Variants in ARHGEF2 observed in about 807,000 individuals in gnomAD.
The protein encoded by ARHGEF2 is Rho/Rac guanine nucleotide exchange factor 2.
ARHGEF2 carries 22 observed loss-of-function variants against 121.0 expected under a neutral mutation model. The observed-to-expected ratio is 0.18, with a 90% CI of 0.13 to 0.26. ARHGEF2 has a LOEUF of 0.26. ARHGEF2 is among the 10% of genes least tolerant of loss of function. ARHGEF2 has a pLI of 1.00. For missense variants in ARHGEF2, 907 were observed against 1,336.0 expected (o/e 0.68, Z 5.01); for synonymous variants, 487 against 530.0 (o/e 0.92, Z 1.11).
Position 155,951,650 on chromosome 1 carries a change from G to A in ARHGEF2, c.2208+91C>T, listed in dbSNP as rs993835874. The A allele has an allele frequency of 1.3e-4, 207 of 1,604,894 alleles. 1 individual carries two copies. The highest frequency in any genetic ancestry group is 1.5e-4 in the South Asian group (14 of 90,868). On this transcript the variant is annotated intron_variant, in intron 18 of 21. Coordinates refer to ENST00000361247, the MANE Select transcript of ARHGEF2 (RefSeq NM_001162383.2). The surrounding 1 kb of genome is among the most constrained non-coding windows in gnomAD (Gnocchi z 5.1). ...TCCGGAGACATACTTGAATGTAGAC[G>A]CTTTCCCCACCCCACTCCAAACTGG...
At chr1:155,971,100 C>T in intron 1 of ARHGEF2, 2 of 985,992 alleles carry the variant, frequency 2.0e-6, no homozygotes, top group Non-Finnish European at 2.4e-6. Flanking sequence ...CCTCCTCACG[C>T]AGGCCAACTG....
intron 2 of ARHGEF2, among the ~76,000 whole-genome samples, chr1:155,967,237 AAG>A (rs1679592533): frequency 6.6e-6 from 1 of 152,170 alleles, no homozygotes; most frequent in African/African-American, 2.4e-5. Context: ...TGGCAGATGG[AAG>A]AGAGGACTCC....
At position 155,962,843 on chromosome 1, in the gene ARHGEF2, C is replaced by A; in HGVS notation, c.975+90G>T. ...GTTTCTCCAGCTCTCCCTGGCTCCC[C>A]TCCAACCCCTAGAATTTGGACCCAA... On this transcript the variant is annotated intron_variant, in intron 8 of 21. Transcript: ENST00000361247. The surrounding 1 kb of genome is among the most constrained non-coding windows in gnomAD (Gnocchi z 5.8). 6.3e-7 allele frequency: 1 copy of A among 1,599,778 alleles called. No individual in the cohort carries two copies. Among genetic ancestry groups the A allele is most frequent in the South Asian group, 1.1e-5 (1 of 88,602 alleles).
At chr1:155,959,838 C>T (rs1677522269) in intron 11 of ARHGEF2, among the ~76,000 whole-genome samples, 2 of 152,180 alleles carry the variant, frequency 1.3e-5, no homozygotes, top group Non-Finnish European at 2.9e-5. Flanking sequence ...GATGAGCCAC[C>T]GTGCCCAGCC....
chr1:155,963,217 CTGGCT>C, intron 7 of ARHGEF2, 34 bp from the exon 8 acceptor site: 8 of 1,593,430 alleles, frequency 5.0e-6, no homozygotes, highest in Non-Finnish European at 6.8e-6. Context: ...GGCCTCTACC[CTGGCT>C]TGGCTAAAAC....
rs149517516 is a variant in ARHGEF2, at chr1:155,965,367, T to A, written c.516A>T (p.Ser172=). The A allele has an allele frequency of 2.5e-6, 4 of 1,613,984 alleles. No homozygotes were observed. Among genetic ancestry groups the A allele is most frequent in the Non-Finnish European group, 3.4e-6 (4 of 1,180,010 alleles). The change falls in exon 6 of 22, where the codon TCA becomes TCT. Residue 172 remains serine, a synonymous_variant. Transcript: ENST00000361247. The surrounding 1 kb of genome is among the most constrained non-coding windows in gnomAD (Gnocchi z 6.0). ...ESPLGLRRIL[S]QSTDSLNMRN... ...GCATGTTGAGGGAGTCTGTGGACTG[T>A]GAGAGGATCCGGCGCAGCCCCAGGG...
In ARHGEF2 at chr1:155,966,998, C is replaced by G. The variant is rs955438764; in HGVS notation, c.209-111G>C. 1.2e-5 allele frequency: 12 copies of G among 1,004,058 alleles called. No homozygotes were observed. The Admixed American group carries it at 1.5e-4, about 13-fold the overall frequency. The allele number at this position is 1,004,058 out of a possible 1,614,324, so 62.2% of individuals were successfully genotyped here. A position where few individuals can be genotyped will look rare whatever the true frequency, so the allele number is the denominator to read the frequency against. On this transcript the variant is annotated intron_variant, in intron 2 of 21. Coordinates refer to ENST00000361247, the MANE Select transcript of ARHGEF2 (RefSeq NM_001162383.2). ...GGCCACACAGTCCTCGGGGACTCTC[C>G]CCCCTTCCCCGACTTCTGGGCCATT...
At chr1:155,964,322 G>C (rs1678891722) in intron 7 of ARHGEF2, among the ~76,000 whole-genome samples, 5 of 150,032 alleles carry the variant, frequency 3.3e-5, no homozygotes, top group Non-Finnish European at 1.5e-5. Flanking sequence ...TGAGATTATA[G>C]GCATGAGCCA....
At position 155,952,164 on chromosome 1, in the gene ARHGEF2, G is replaced by A; in HGVS notation, c.2056C>T (p.Pro686Ser). The change falls in exon 16 of 22, where the codon CCC becomes TCC. Residue 686 changes from proline (P) to serine (S), a missense_variant. Around this residue, in one of 2 missense-constraint regions of ARHGEF2, gnomAD observed 432 missense variants for 559.5 expected, o/e 0.77. Coordinates refer to ENST00000361247, the MANE Select transcript of ARHGEF2 (RefSeq NM_001162383.2). Reference protein sequence around the residue: ...LLLTPREPALPLEPDSGGNTS... With the variant: ...LLLTPREPALSLEPDSGGNTS... Reference sequence around the variant, plus strand: ...TTACCACCGCTGTCTGGTTCCAAGGGCAGGGCTGGCTCTCGGGGTGTCAAG... The same window carrying A: ...TTACCACCGCTGTCTGGTTCCAAGGACAGGGCTGGCTCTCGGGGTGTCAAG... 1 of 1,614,090 alleles carries A rather than the reference G, an allele frequency of 6.2e-7. No individual in the cohort carries two copies. The highest frequency in any genetic ancestry group is 8.5e-7 in the Non-Finnish European group (1 of 1,180,010).
rs1471328205 is a variant in ARHGEF2 at position 155,965,288 on chromosome 1, C to T, written c.580+15G>A. Reference sequence around the variant, plus strand: ...TCATGTTCCTCAGGGCTCCCCTGGGCCCAGGCCTGCTCACCTTCGTCAATG... The same window carrying T: ...TCATGTTCCTCAGGGCTCCCCTGGGTCCAGGCCTGCTCACCTTCGTCAATG... On this transcript the variant is annotated intron_variant, in intron 6 of 21. Transcript: ENST00000361247. This position sits in a 1 kb window ranked among gnomAD's most constrained non-coding sequence, Gnocchi z 6.0. The T allele has an allele frequency of 1.9e-6, 3 of 1,613,040 alleles. No homozygotes were observed. Among genetic ancestry groups the T allele is most frequent in the South Asian group, 1.1e-5 (1 of 91,058 alleles).
intron 4 of ARHGEF2, among the ~76,000 whole-genome samples, chr1:155,966,118 T>C (rs1163994647): frequency 6.6e-6 from 1 of 152,152 alleles, no homozygotes; most frequent in Non-Finnish European, 1.5e-5. Flanking sequence ...GAATTGACAC[T>C]TGACAGCTGC....
At chr1:155,963,494 C>T (rs1342288723) in intron 7 of ARHGEF2, among the ~76,000 whole-genome samples, 1 of 150,610 alleles carries the variant, frequency 6.6e-6, no homozygotes, top group East Asian at 2.0e-4. Flanking sequence ...TACAGGCACG[C>T]ACCACCAGGC....
intron 14 of ARHGEF2, among the ~76,000 whole-genome samples, chr1:155,953,728 CAG>C (rs1675993325): frequency 8.4e-6 from 1 of 118,582 alleles, no homozygotes; most frequent in Non-Finnish European, 1.6e-5. Context: ...CCCTGGGCGA[CAG>C]AGCAAGACCC....
intron 1 of ARHGEF2, among the ~76,000 whole-genome samples, chr1:155,974,554 A>T (rs1681000872): frequency 6.6e-6 from 1 of 152,058 alleles, no homozygotes; most frequent in African/African-American, 2.4e-5. Context: ...GCTTCCAGGG[A>T]CAAGATGAAG....
intron 11 of ARHGEF2, among the ~76,000 whole-genome samples, chr1:155,959,610 T>C (rs1677468513): frequency 6.6e-6 from 1 of 152,152 alleles, no homozygotes; most frequent in South Asian, 2.1e-4. Flanking sequence ...AGTGGTGTGA[T>C]CTCTGCTCAC....
chr1:155,954,991 T>C lies in ARHGEF2; in HGVS notation c.1716-22A>G, dbSNP rs752062707. 8.7e-6 allele frequency: 14 copies of C among 1,604,480 alleles called. No homozygotes were observed. In the Admixed American group the frequency reaches 1.2e-4, roughly 14 times the overall value. ...GCATCTGGAGGGGTAACAGGTCGCA[T>C]GCCATTGAGAGACAGAAGCTAGGTT... On this transcript the variant is annotated intron_variant, in intron 13 of 21. Coordinates refer to ENST00000361247, the MANE Select transcript of ARHGEF2 (RefSeq NM_001162383.2).
Position 155,963,077 on chromosome 1 carries a change from C to A in ARHGEF2, c.831G>T (p.Gln277His). The A allele has an allele frequency of 6.2e-7, 1 of 1,614,152 alleles. No homozygotes were observed. Among genetic ancestry groups the A allele is most frequent in the Non-Finnish European group, 8.5e-7 (1 of 1,180,024 alleles). The change falls in exon 8 of 22, where the codon CAG (glutamine) becomes CAT (histidine). Residue 277 changes from glutamine to histidine, a missense_variant. By Grantham distance (24) the Gln-to-His change is conservative. Around this residue, in one of 2 missense-constraint regions of ARHGEF2, gnomAD observed 475 missense variants for 776.5 expected, o/e 0.61. Transcript: ENST00000361247. ...GCTCGTCCACGCAGGGGAACAGGCC[C>A]TGGACCACTCCTGGCTCCAAGTGTA... is the stretch of plus-strand genomic sequence containing the variant. ...EELHLEPGVV[Q>H]GLFPCVDELS...
rs1678147802 is a variant in ARHGEF2 at position 155,962,407 on chromosome 1, T to C, written c.1102-185A>G. ...GACCAACTGAAGGAGCAAAAAGTAC[T>C]TGGGAAACTACCACAACGTGCTCTA... is the stretch of plus-strand genomic sequence containing the variant. On this transcript the variant is annotated intron_variant, in intron 9 of 21. Transcript: ENST00000361247. The surrounding 1 kb of genome is among the most constrained non-coding windows in gnomAD (Gnocchi z 5.8). The C allele has an allele frequency of 5.7e-6, 6 of 1,060,152 alleles. No individual in the cohort carries two copies. The highest frequency in any genetic ancestry group is 8.2e-6 in the Non-Finnish European group (6 of 730,650). The allele number at this position is 1,060,152 out of a possible 1,614,324, so 65.7% of individuals were successfully genotyped here.
chr1:155,951,675 G>C lies in ARHGEF2; in HGVS notation c.2208+66C>G. 1 of 1,611,410 alleles carries C rather than the reference G, an allele frequency of 6.2e-7. No individual in the cohort carries two copies. The highest frequency in any genetic ancestry group is 1.1e-5 in the South Asian group (1 of 90,964). On this transcript the variant is annotated intron_variant, in intron 18 of 21. Coordinates refer to ENST00000361247, the MANE Select transcript of ARHGEF2 (RefSeq NM_001162383.2). This position sits in a 1 kb window ranked among gnomAD's most constrained non-coding sequence, Gnocchi z 5.1. Reference sequence around the variant, plus strand: ...GCTTTCCCCACCCCACTCCAAACTGGGCTCTAACTACTCAGACTAAGAACA... The same window carrying C: ...GCTTTCCCCACCCCACTCCAAACTGCGCTCTAACTACTCAGACTAAGAACA...
Sources: allele counts gnomAD v4.1 joint callset (sites outside exome capture counted in the v4.1 genomes callset), GRCh38; gene constraint gnomAD v4.1.1; regional missense constraint gnomAD v4.1.1; non-coding constraint Gnocchi (gnomAD v3.1); transcripts MANE v1.5; gene names NCBI Gene and HGNC (gene_info 2026-07-23, HGNC 2026-07-21).